FAM228B: variants seen among roughly 807,000 people sequenced by gnomAD.
FAM228B encodes protein FAM228B.
FAM228B carries 38 observed loss-of-function variants against 42.6 expected under a neutral mutation model. The observed-to-expected ratio is 0.89, with a 90% confidence interval of 0.69 to 1.17. The LOEUF (loss-of-function observed/expected upper bound fraction) is 1.17, where lower values mean the gene tolerates loss of function less well. Ranked by LOEUF, FAM228B falls within the 50% of genes most tolerant of loss-of-function variation. The pLI, the probability that FAM228B is intolerant of heterozygous loss-of-function variation, is 0.00. For missense variants in FAM228B, 344 were observed against 367.3 expected (o/e 0.94, Z 0.52); for synonymous variants, 109 against 122.3 (o/e 0.89, Z 0.72).
chr2:24,147,095 T>C lies in FAM228B; in HGVS notation c.686+9T>C. The C allele has an allele frequency of 6.5e-7, 1 of 1,531,548 alleles. No individual in the cohort carries two copies. The highest frequency in any genetic ancestry group is 8.8e-7 in the Non-Finnish European group (1 of 1,134,042). 94.9% of individuals were successfully genotyped at this position (1,531,548 alleles called of 1,614,324 possible). On this transcript the variant is annotated intron_variant, in intron 7 of 10. Transcript: ENST00000615575. ...TTTTGTAGAAGGAGAAGGTAATGGT[T>C]AATATACTAGAAATTATAGAACCTT...
chr2:24,086,063 G>A (rs540554168), intron 2 of FAM228B, among the ~76,000 whole-genome samples: 34 of 151,904 alleles, frequency 2.2e-4, no homozygotes, highest in Admixed American at 2.1e-3. Flanking sequence ...GTGAAACCCC[G>A]TCTCTACTAA....
chr2:24,100,217 T>G (rs1173416878), intron 3 of FAM228B, among the ~76,000 whole-genome samples: 1 of 152,158 alleles, frequency 6.6e-6, no homozygotes, highest in Admixed American at 6.5e-5. Flanking sequence ...GGCAAGGACT[T>G]CATGACTAAA....
chr2:24,114,936 C>T (rs1665866851), intron 3 of FAM228B, among the ~76,000 whole-genome samples: 1 of 152,094 alleles, frequency 6.6e-6, no homozygotes, highest in Admixed American at 6.5e-5. Context: ...TTTGAGAAGG[C>T]CTTTCCAATG....
chr2:24,123,576 C>T (rs1447712069), intron 1 of FAM228B, 43 bp downstream of exon 1: 1 of 152,090 alleles, frequency 6.6e-6, no homozygotes, highest in African/African-American at 2.4e-5. Flanking sequence ...CGGGCGGGCT[C>T]CCTTCCAGCC....
At chr2:24,143,996 CAAAAAAA>C (rs59639444) in intron 5 of FAM228B, among the ~76,000 whole-genome samples, 108 of 129,306 alleles carry the variant, frequency 8.4e-4, no homozygotes, top group African/African-American at 3.0e-3. Flanking sequence ...CAGCAGTCTC[CAAAAAAA>C]AAAAAAAAAA....
chr2:24,115,920 A>G (rs1665902175), intron 3 of FAM228B, among the ~76,000 whole-genome samples: 1 of 152,014 alleles, frequency 6.6e-6, no homozygotes, highest in South Asian at 2.1e-4. Context: ...AAAAAAAAAA[A>G]AAAAAGGATG....
At chr2:24,142,638 T>A (rs947469722) in intron 5 of FAM228B, 3 of 152,196 alleles carry the variant, frequency 2.0e-5, no homozygotes, top group Non-Finnish European at 4.4e-5. Flanking sequence ...ACTTACAAAC[T>A]ATAGTTATTA....
chr2:24,165,166 G>T (rs1478233320), intron 9 of FAM228B, among the ~76,000 whole-genome samples: 1 of 152,122 alleles, frequency 6.6e-6, no homozygotes, highest in African/African-American at 2.4e-5. Flanking sequence ...GAAGAATCAT[G>T]AATTATTTAG....
intron 2 of FAM228B, among the ~76,000 whole-genome samples, chr2:24,130,971 A>C (rs966963619): frequency 6.6e-6 from 1 of 152,172 alleles, no homozygotes; most frequent in African/African-American, 2.4e-5. Flanking sequence ...ATTTTTGTAT[A>C]CAGTGTAAGG....
chr2:24,132,170 G>C (rs1464119639), intron 2 of FAM228B, among the ~76,000 whole-genome samples: 1 of 152,230 alleles, frequency 6.6e-6, no homozygotes, highest in African/African-American at 2.4e-5. Flanking sequence ...TTGCAACGCA[G>C]GGATGAAGCC....
At chr2:24,107,377 G>A (rs1665719364) in intron 3 of FAM228B, among the ~76,000 whole-genome samples, 1 of 152,138 alleles carries the variant, frequency 6.6e-6, no homozygotes, top group Non-Finnish European at 1.5e-5. Flanking sequence ...CATTGAGGCA[G>A]AAAATTAACA....
chr2:24,097,709 T>C (rs979143509), intron 3 of FAM228B, among the ~76,000 whole-genome samples: 2 of 152,108 alleles, frequency 1.3e-5, no homozygotes, highest in African/African-American at 4.8e-5. Context: ...CCACTGTCAA[T>C]ATTAGACAGA....
chr2:24,112,862 A>C (rs1665820655), intron 3 of FAM228B, among the ~76,000 whole-genome samples: 1 of 152,028 alleles, frequency 6.6e-6, no homozygotes, highest in South Asian at 2.1e-4. Flanking sequence ...TTCTTTCCAC[A>C]CAACAGGCCT....
At chr2:24,126,324 A>G (rs1301342250) in intron 2 of FAM228B, among the ~76,000 whole-genome samples, 1 of 152,206 alleles carries the variant, frequency 6.6e-6, no homozygotes, top group African/African-American at 2.4e-5. Context: ...TCTAGCCAAC[A>G]TTTGGAATAG....
Position 24,084,521 on chromosome 2 carries a change from C to A in FAM228B, c.-210+3566C>A. ...CCTGGTCTGCCGCGGACCCGGCCTC[C>A]GCCCCGAGCTCCTGCCTGGGAAGTC... On this transcript the variant is annotated intron_variant, in intron 2 of 10. Coordinates refer to the FAM228B transcript ENST00000613899. The surrounding 1 kb of genome is among the most constrained non-coding windows in gnomAD (Gnocchi z 8.4). 1.4e-6 allele frequency: 1 copy of A among 705,258 alleles called. No homozygotes were observed. The highest frequency in any genetic ancestry group is 1.9e-5 in the African/African-American group (1 of 52,898). The allele number at this position is 705,258 out of a possible 1,614,324, so 43.7% of individuals were successfully genotyped here.
At chr2:24,137,345 G>A (rs1272499445) in intron 3 of FAM228B, among the ~76,000 whole-genome samples, 2 of 152,006 alleles carry the variant, frequency 1.3e-5, no homozygotes, top group Non-Finnish European at 2.9e-5. Context: ...AAATTTCTGA[G>A]GCCCACCAAA....
At position 24,084,497 on chromosome 2, in the gene FAM228B, C is replaced by G. The variant is rs1213099687; in HGVS notation, c.-210+3542C>G. On this transcript the variant is annotated intron_variant, in intron 2 of 10. Transcript: ENST00000613899. The surrounding 1 kb of genome is among the most constrained non-coding windows in gnomAD (Gnocchi z 8.4). ...CCCTGCCGGCCAGCGCCTCGCTGCC[C>G]TGGTCTGCCGCGGACCCGGCCTCCG... 3.2e-6 allele frequency: 3 copies of G among 923,414 alleles called. No individual in the cohort carries two copies. In the Admixed American group the frequency reaches 1.1e-4, roughly 33 times the overall value. The allele number at this position is 923,414 out of a possible 1,614,324, so 57.2% of individuals were successfully genotyped here. A position where few individuals can be genotyped will look rare whatever the true frequency, so the allele number is the denominator to read the frequency against.
intron 3 of FAM228B, among the ~76,000 whole-genome samples, chr2:24,109,774 C>CA: frequency 6.6e-6 from 1 of 152,026 alleles, no homozygotes; most frequent in Non-Finnish European, 1.5e-5. Context: ...ATTAAAAAGT[C>CA]AAAAAATAAT....
chr2:24,077,166 G>A lies in FAM228B; in HGVS notation c.-290+197G>A, dbSNP rs574175381. Among the ~76,000 whole-genome samples the A allele has an allele frequency of 6.6e-5, 10 of 152,270 alleles. No individual in the cohort carries two copies. Among genetic ancestry groups the A allele is most frequent in the African/African-American group, 2.2e-4 (9 of 41,548 alleles). On this transcript the variant is annotated intron_variant, in intron 1 of 10. Coordinates refer to the FAM228B transcript ENST00000613899. The surrounding 1 kb of genome is among the most constrained non-coding windows in gnomAD (Gnocchi z 5.5). ...CCAGGTGAGTAGCGGGCAGGGCTGG[G>A]GCCTGCTGTGGTGCCCACTGGTTGC...
Sources: gnomAD v4.1 joint callset for allele counts (sites outside exome capture counted in the v4.1 genomes callset) on GRCh38, gnomAD v4.1.1 for gene constraint, Gnocchi (gnomAD v3.1) non-coding constraint, MANE v1.5 for transcripts, NCBI Gene and HGNC (gene_info 2026-07-23, HGNC 2026-07-21) for gene names.